The following RALY variants were observed in gnomAD, a reference collection of about 807,000 sequenced individuals.
RALY encodes RALY heterogeneous nuclear ribonucleoprotein.
A neutral mutation model predicts 30.7 loss-of-function variants in RALY; 15 were observed. The ratio of observed to expected loss-of-function variants is 0.49; its 90% CI spans 0.33 to 0.75. RALY has a LOEUF of 0.75. Ranked by LOEUF, RALY falls within the 30% of genes least tolerant of loss-of-function variation. The probability of loss-of-function intolerance (pLI) is 0.02; values close to 1 mark genes in which losing one functional copy is unlikely to be tolerated. For synonymous variants in RALY, 177 were observed against 170.8 expected (o/e 1.04, Z -0.28); for missense variants, 339 against 414.3 (o/e 0.82, Z 1.58).
At chr20:33,998,695 A>G (rs1251609364) in intron 1 of RALY, among the ~76,000 whole-genome samples, 1 of 152,260 alleles carries the variant, frequency 6.6e-6, no homozygotes, top group East Asian at 1.9e-4. Context: ...TTTTGGAAGG[A>G]TATCTCTGGC....
chr20:34,032,634 TACAGATGTGTACCACC>T (rs1350964051), intron 2 of RALY, among the ~76,000 whole-genome samples: 1 of 152,088 alleles, frequency 6.6e-6, no homozygotes, highest in Admixed American at 6.5e-5. Flanking sequence ...TAGCTGGAAT[TACAGATGTGTACCACC>T]ACAGCCTGCT....
chr20:34,053,272 G>A (rs1006341594), intron 2 of RALY, among the ~76,000 whole-genome samples: 7 of 150,928 alleles, frequency 4.6e-5, no homozygotes, highest in Non-Finnish European at 7.4e-5. Flanking sequence ...ATATGAGGAC[G>A]TTAAGGTTCA....
chr20:34,012,318 A>G (rs753248037), intron 1 of RALY, among the ~76,000 whole-genome samples: 4 of 152,038 alleles, frequency 2.6e-5, no homozygotes, highest in Non-Finnish European at 5.9e-5. Context: ...CAAAGGGTCT[A>G]TTTCTGTCAC....
At chr20:34,005,323 G>C (rs560234032) in intron 1 of RALY, among the ~76,000 whole-genome samples, 1 of 152,194 alleles carries the variant, frequency 6.6e-6, no homozygotes, top group South Asian at 2.1e-4. Flanking sequence ...CATCCTGACG[G>C]AGTAGTGAAA....
In RALY at chr20:34,082,202, C is replaced by T. The variant is rs1274249342; in HGVS notation, c.*2297C>T. ...CTTTCCTTGCCCAGAAGGCGAGAGC[C>T]AGCTATAACAGACCCATTTCAATAC... On this transcript the variant is annotated 3_prime_UTR_variant, in exon 10 of 10. Transcript: ENST00000246194. 1 of 152,302 alleles carries T rather than the reference C, an allele frequency of 6.6e-6. No homozygotes were observed. Among genetic ancestry groups the T allele is most frequent in the Non-Finnish European group, 1.5e-5 (1 of 68,102 alleles). 9.4% of individuals were successfully genotyped at this position (152,302 alleles called of 1,614,324 possible).
chr20:34,076,466 T>TC (rs2033880427), intron 6 of RALY, among the ~76,000 whole-genome samples: 1 of 152,182 alleles, frequency 6.6e-6, no homozygotes, highest in Non-Finnish European at 1.5e-5. Flanking sequence ...CTGTCTTTGG[T>TC]CCCTTTCAGA....
intron 2 of RALY, among the ~76,000 whole-genome samples, chr20:34,071,418 C>T (rs1013935432): frequency 9.2e-5 from 14 of 151,936 alleles, no homozygotes; most frequent in South Asian, 2.1e-4. Flanking sequence ...GCTGGGATTA[C>T]AGGTACCCGC....
chr20:34,082,445 C>T lies in RALY; in HGVS notation c.*2540C>T, dbSNP rs1190485808. The T allele has an allele frequency of 6.6e-6, 1 of 152,252 alleles. No individual in the cohort carries two copies. Among genetic ancestry groups the T allele is most frequent in the Admixed American group, 6.5e-5 (1 of 15,278 alleles). The allele number at this position is 152,252 out of a possible 1,614,324, so 9.4% of individuals were successfully genotyped here. ...TACCCAAGCATGCTTTACTGAGGAA[C>T]TCAACGTTTCAGAGCTTGAGGGTCA... On this transcript the variant is annotated 3_prime_UTR_variant, in exon 10 of 10. Transcript: ENST00000246194.
chr20:34,001,048 C>A (rs772964368), intron 1 of RALY, among the ~76,000 whole-genome samples: 4 of 152,144 alleles, frequency 2.6e-5, no homozygotes, highest in African/African-American at 9.7e-5. Flanking sequence ...TCTGGGTTCA[C>A]AAAAGATACC....
chr20:34,077,748 A>G (rs2033935547), intron 8 of RALY: 1 of 219,918 alleles, frequency 4.5e-6, no homozygotes, highest in Admixed American at 5.3e-5. Context: ...GGGAGGGTGG[A>G]CCAAACTCTG....
chr20:34,020,788 A>G (rs1181705968), intron 1 of RALY, among the ~76,000 whole-genome samples: 1 of 152,206 alleles, frequency 6.6e-6, no homozygotes, highest in Admixed American at 6.5e-5. Flanking sequence ...TGTAAGAAAG[A>G]AGGTAGTTAT....
chr20:34,043,937 G>A (rs1394626013), intron 2 of RALY, among the ~76,000 whole-genome samples: 4 of 151,976 alleles, frequency 2.6e-5, no homozygotes, highest in Admixed American at 2.6e-4. Flanking sequence ...AGCTTGGAGG[G>A]GACCACTACC....
At chr20:34,063,182 A>G (rs1040566983) in intron 2 of RALY, among the ~76,000 whole-genome samples, 2 of 152,234 alleles carry the variant, frequency 1.3e-5, no homozygotes, top group African/African-American at 4.8e-5. Context: ...CTCATAGCAG[A>G]AGGCTTAGTG....
At chr20:34,012,277 A>G (rs949629446) in intron 1 of RALY, among the ~76,000 whole-genome samples, 2 of 152,110 alleles carry the variant, frequency 1.3e-5, no homozygotes, top group African/African-American at 4.8e-5. Flanking sequence ...TTGCCGTGGC[A>G]GGTGGTAATG....
At position 34,061,700 on chromosome 20, in the gene RALY, A is replaced by G. The variant is rs187928004; in HGVS notation, c.-9-10366A>G. The stretch of plus-strand genomic sequence containing the variant: ...TATTTTGAGTACTTAAGATTGGCCT[A>G]CTGCTATGCACTGTATGTGTATTAT... On this transcript the variant is annotated intron_variant, in intron 2 of 9. Transcript: ENST00000246194. Among the ~76,000 whole-genome samples, 10 of 152,324 alleles carry G rather than the reference A, an allele frequency of 6.6e-5. No individual in the cohort carries two copies. In the East Asian group the frequency reaches 1.3e-3, roughly 21 times the overall value.
intron 1 of RALY, among the ~76,000 whole-genome samples, chr20:34,003,831 G>A (rs1179998421): frequency 6.6e-6 from 1 of 151,886 alleles, no homozygotes; most frequent in South Asian, 2.1e-4. Flanking sequence ...AGTAGAGACA[G>A]GGTTTCACCG....
At chr20:34,065,838 C>T (rs180753312) in intron 2 of RALY, among the ~76,000 whole-genome samples, 2 of 152,326 alleles carry the variant, frequency 1.3e-5, no homozygotes, top group Admixed American at 6.5e-5. Flanking sequence ...CAGAGGGGTC[C>T]AGCAGGACTG....
chr20:34,073,769 G>A, intron 4 of RALY, 50 bp from the exon 5 acceptor site: 1 of 1,595,964 alleles, frequency 6.3e-7, no homozygotes, highest in Non-Finnish European at 8.6e-7. Flanking sequence ...GTGGAAAGTG[G>A]GCTGAGTGGC....
chr20:34,070,326 C>G (rs2033690656), intron 2 of RALY, among the ~76,000 whole-genome samples: 2 of 152,166 alleles, frequency 1.3e-5, no homozygotes, highest in Non-Finnish European at 2.9e-5. Context: ...CAAGGCTTAA[C>G]TTGAGGCTTT....
Sources: allele counts gnomAD v4.1 joint callset (sites outside exome capture counted in the v4.1 genomes callset), GRCh38; gene constraint gnomAD v4.1.1; transcripts MANE v1.5; gene names NCBI Gene and HGNC (gene_info 2026-07-23, HGNC 2026-07-21).